NKAIN1: variants seen among roughly 807,000 people sequenced by gnomAD.
NKAIN1 encodes the protein sodium/potassium transporting ATPase interacting 1.
Under a neutral mutation model 31.6 loss-of-function variants are expected in NKAIN1, and 13 were observed. That is an observed-to-expected ratio of 0.41 (90% CI 0.27 to 0.65). NKAIN1 has a LOEUF of 0.65. NKAIN1 is among the 30% of genes least tolerant of loss of function. The pLI is 0.30. For missense variants in NKAIN1, 193 were observed against 262.2 expected (o/e 0.74, Z 1.82); for synonymous variants, 104 against 109.0 (o/e 0.95, Z 0.28).
At chr1:31,235,646 C>T (rs2148369892) in intron 1 of NKAIN1, among the ~76,000 whole-genome samples, 1 of 152,224 alleles carries the variant, frequency 6.6e-6, no homozygotes. Flanking sequence ...AAAAAATAAA[C>T]AATAAATAAA....
intron 1 of NKAIN1, among the ~76,000 whole-genome samples, chr1:31,193,052 T>C (rs1257196212): frequency 1.0e-5 from 1 of 99,594 alleles, no homozygotes; most frequent in Non-Finnish European, 3.0e-5. Flanking sequence ...CTCAATTTTA[T>C]TTTATTATTT....
Position 31,181,522 on chromosome 1 carries a change from C to A in NKAIN1, c.*181G>T. 1.9e-6 allele frequency: 1 copy of A among 522,242 alleles called. No homozygotes were observed. Among genetic ancestry groups the A allele is most frequent in the Non-Finnish European group, 3.1e-6 (1 of 323,536 alleles). 32.4% of individuals were successfully genotyped at this position (522,242 alleles called of 1,614,324 possible). A position where few individuals can be genotyped will look rare whatever the true frequency, so the allele number is the denominator to read the frequency against. The stretch of plus-strand genomic sequence containing the variant: ...AGTCCGGGCTGCGAAGAGCCAAGCT[C>A]AAATCCAAGTCCAAGTCCAAGTCCA... On this transcript the variant is annotated 3_prime_UTR_variant, in exon 7 of 7. Coordinates refer to ENST00000373736, the MANE Select transcript of NKAIN1 (RefSeq NM_024522.3).
At chr1:31,187,037 G>C (rs1259900473) in intron 2 of NKAIN1, among the ~76,000 whole-genome samples, 1 of 152,182 alleles carries the variant, frequency 6.6e-6, no homozygotes, top group African/African-American at 2.4e-5. Flanking sequence ...TGTTGACAGT[G>C]GTGTCTGGGG....
At position 31,184,019 on chromosome 1, in the gene NKAIN1, G is replaced by A; in HGVS notation, c.274-5C>T. ...GGTCATGATGAAGTCCCGGTCCTGG[G>A]GGCAAAGGGGCCTGGGATACTGAGT... is the stretch of plus-strand genomic sequence containing the variant. On this transcript the variant is annotated splice_region_variant and splice_polypyrimidine_tract_variant and intron_variant, in intron 3 of 6. Coordinates refer to ENST00000373736, the MANE Select transcript of NKAIN1 (RefSeq NM_024522.3). 3 of 1,612,808 alleles carry A rather than the reference G, an allele frequency of 1.9e-6. No homozygotes were observed. The highest frequency in any genetic ancestry group is 2.5e-6 in the Non-Finnish European group (3 of 1,179,454).
Position 31,239,412 on chromosome 1 carries a change from C to A in NKAIN1, c.54+82G>T. ...CGCACCAGACACACACACAGAGACACACGCAACCCCACCCGCACGCCCTGG... is the reference window on the plus strand; with the variant it reads ...CGCACCAGACACACACACAGAGACAAACGCAACCCCACCCGCACGCCCTGG... On this transcript the variant is annotated intron_variant, in intron 1 of 6. Transcript: ENST00000373736. The surrounding 1 kb of genome is among the most constrained non-coding windows in gnomAD (Gnocchi z 4.8). 8.9e-7 allele frequency: 1 copy of A among 1,122,320 alleles called. No homozygotes were observed. Among genetic ancestry groups the A allele is most frequent in the Non-Finnish European group, 1.2e-6 (1 of 843,150 alleles). 69.5% of individuals were successfully genotyped at this position (1,122,320 alleles called of 1,614,324 possible).
intron 2 of NKAIN1, among the ~76,000 whole-genome samples, chr1:31,185,643 A>C (rs1047234091): frequency 2.6e-5 from 4 of 152,156 alleles, no homozygotes; most frequent in Non-Finnish European, 5.9e-5. Context: ...AATCCCATCC[A>C]CTGTGCTAAC....
intron 1 of NKAIN1, among the ~76,000 whole-genome samples, chr1:31,196,235 CG>C (rs1645325395): frequency 6.6e-6 from 1 of 151,926 alleles, no homozygotes. Flanking sequence ...AAAAATTGGC[CG>C]GGTGCGGTGG....
intron 1 of NKAIN1, among the ~76,000 whole-genome samples, chr1:31,224,888 G>C (rs2148365299): frequency 6.6e-6 from 1 of 152,296 alleles, no homozygotes; most frequent in Non-Finnish European, 1.5e-5. Flanking sequence ...CAACCTGAGG[G>C]GGGCAGTGCC....
At chr1:31,237,377 G>A (rs1046997869) in intron 1 of NKAIN1, among the ~76,000 whole-genome samples, 5 of 152,156 alleles carry the variant, frequency 3.3e-5, no homozygotes, top group African/African-American at 1.2e-4. Flanking sequence ...GCTTCCAAGA[G>A]TACCTGACAC....
At chr1:31,211,210 T>A (rs1645466420) in intron 1 of NKAIN1, among the ~76,000 whole-genome samples, 1 of 152,104 alleles carries the variant, frequency 6.6e-6, no homozygotes, top group Non-Finnish European at 1.5e-5. Context: ...AAAGAAGAAG[T>A]AAAACTATTT....
chr1:31,214,333 T>C (rs186328286), intron 1 of NKAIN1, among the ~76,000 whole-genome samples: 179 of 151,888 alleles, frequency 1.2e-3, no homozygotes, highest in Non-Finnish European at 2.1e-3. Flanking sequence ...TTTAGGATGA[T>C]GAAAATATTC....
chr1:31,226,313 A>C lies in NKAIN1; in HGVS notation c.54+13181T>G, dbSNP rs934303153. Among the ~76,000 whole-genome samples, 9 of 56,130 alleles carry C rather than the reference A, an allele frequency of 1.6e-4. No individual in the cohort carries two copies. The African/African-American group carries it at 2.9e-3, about 18-fold the overall frequency. The allele number at this position is 56,130 out of a possible 152,430, so 36.8% of individuals were successfully genotyped here. ...GTGCTGAATTACAGAGAAATGCAGC[A>C]AAAAAAAAAAAATCCTGTAAAAACA... On this transcript the variant is annotated intron_variant, in intron 1 of 6. Coordinates refer to ENST00000373736, the MANE Select transcript of NKAIN1 (RefSeq NM_024522.3).
At chr1:31,226,411 C>A (rs1270648726) in intron 1 of NKAIN1, among the ~76,000 whole-genome samples, 1 of 152,050 alleles carries the variant, frequency 6.6e-6, no homozygotes, top group African/African-American at 2.4e-5. Flanking sequence ...CCTTCAAGAT[C>A]AAAGTGAAGT....
intron 3 of NKAIN1, among the ~76,000 whole-genome samples, chr1:31,184,286 C>T (rs972750808): frequency 6.6e-6 from 1 of 152,180 alleles, no homozygotes; most frequent in African/African-American, 2.4e-5. Context: ...GTGAAATCCT[C>T]AGTACCAGCC....
intron 1 of NKAIN1, among the ~76,000 whole-genome samples, chr1:31,217,304 A>C (rs992826424): frequency 4.6e-5 from 7 of 152,176 alleles, no homozygotes; most frequent in Admixed American, 1.3e-4. Context: ...AGCTAGGGCT[A>C]CAAGTGTGTG....
intron 1 of NKAIN1, among the ~76,000 whole-genome samples, chr1:31,237,730 A>T (rs879701389): frequency 6.6e-6 from 1 of 152,136 alleles, no homozygotes; most frequent in Non-Finnish European, 1.5e-5. Context: ...CCCTGACCTC[A>T]GGTGATCTGC....
At chr1:31,234,042 C>T (rs1006546363) in intron 1 of NKAIN1, among the ~76,000 whole-genome samples, 1 of 152,240 alleles carries the variant, frequency 6.6e-6, no homozygotes, top group Non-Finnish European at 1.5e-5. Flanking sequence ...AGAACCAGGG[C>T]CATCCCCAGG....
At chr1:31,232,422 TATAGAGAGAG>T (rs1413048230) in intron 1 of NKAIN1, among the ~76,000 whole-genome samples, 51 of 25,796 alleles carry the variant, frequency 2.0e-3, no homozygotes, top group African/African-American at 5.6e-3. Flanking sequence ...TATATATATA[TATAGAGAGAG>T]AGAGAGAGAG....
chr1:31,225,548 G>C (rs1348487759), intron 1 of NKAIN1, among the ~76,000 whole-genome samples: 1 of 151,810 alleles, frequency 6.6e-6, no homozygotes, highest in Non-Finnish European at 1.5e-5. Context: ...GGCTGGTCTT[G>C]AACTCCTGGC....
Sources: allele counts gnomAD v4.1 joint callset (sites outside exome capture counted in the v4.1 genomes callset), GRCh38; gene constraint gnomAD v4.1.1; non-coding constraint Gnocchi (gnomAD v3.1); transcripts MANE v1.5; gene names NCBI Gene and HGNC (gene_info 2026-07-23, HGNC 2026-07-21).